The following FOCAD variants were observed in gnomAD, a reference collection of about 807,000 sequenced individuals.
The protein encoded by FOCAD is focadhesin, also known as KIAA1797.
Under a neutral mutation model 225.6 loss-of-function variants are expected in FOCAD, and 198 were observed. That is an observed-to-expected ratio of 0.88 (90% CI 0.78 to 0.99). The LOEUF (loss-of-function observed/expected upper bound fraction) is 0.99. FOCAD is among the 50% of genes least tolerant of loss of function. FOCAD has a pLI of 0.00. For missense variants in FOCAD, 2,713 were observed against 2,123.6 expected (o/e 1.28, Z -5.46); for synonymous variants, 897 against 755.0 (o/e 1.19, Z -3.08).
chr9:20,784,269 C>T (rs2131130949), intron 10 of FOCAD, among the ~76,000 whole-genome samples: 1 of 152,344 alleles, frequency 6.6e-6, no homozygotes, highest in African/African-American at 2.4e-5. Context: ...CAAAGAAGCA[C>T]ACAGGAACCT....
chr9:20,844,790 T>C (rs769736331), intron 15 of FOCAD, among the ~76,000 whole-genome samples: 11 of 152,110 alleles, frequency 7.2e-5, no homozygotes, highest in Non-Finnish European at 1.6e-4. Context: ...TTAGTATTAT[T>C]AGTGAGATAT....
chr9:20,780,334 C>T (rs1451714470), intron 9 of FOCAD, among the ~76,000 whole-genome samples: 2 of 152,156 alleles, frequency 1.3e-5, no homozygotes, highest in Non-Finnish European at 2.9e-5. Context: ...CTCAGAAAAT[C>T]CACATTTCAA....
chr9:20,869,346 T>A (rs79660000), intron 18 of FOCAD, among the ~76,000 whole-genome samples: 29,964 of 151,898 alleles, frequency 0.2, 3,474 homozygotes, highest in South Asian at 0.31. Context: ...AGCTAAAAAA[T>A]ATATATATAT....
At chr9:20,810,660 C>G (rs1587260378) in intron 11 of FOCAD, among the ~76,000 whole-genome samples, 2 of 151,976 alleles carry the variant, frequency 1.3e-5, no homozygotes, top group Admixed American at 6.6e-5. Flanking sequence ...GGTAATGTAG[C>G]CAACCATTAC....
chr9:20,861,947 C>T (rs777703958), intron 15 of FOCAD, among the ~76,000 whole-genome samples: 1 of 151,956 alleles, frequency 6.6e-6, no homozygotes, highest in Non-Finnish European at 1.5e-5. Context: ...AAAATTGGGT[C>T]AAGTTAGAAA....
intron 4 of FOCAD, among the ~76,000 whole-genome samples, chr9:20,720,791 A>G (rs966934411): frequency 6.6e-6 from 1 of 152,210 alleles, no homozygotes; most frequent in Non-Finnish European, 1.5e-5. Flanking sequence ...AGAAGAAAAT[A>G]GCTAAACAGT....
At chr9:20,927,039 A>C (rs1835023423) in intron 26 of FOCAD, among the ~76,000 whole-genome samples, 1 of 151,148 alleles carries the variant, frequency 6.6e-6, no homozygotes, top group South Asian at 2.1e-4. Context: ...TATATATATA[A>C]AAGAAATACC....
intron 22 of FOCAD, among the ~76,000 whole-genome samples, chr9:20,909,383 T>G (rs1005505676): frequency 6.6e-6 from 1 of 152,090 alleles, no homozygotes; most frequent in African/African-American, 2.4e-5. Flanking sequence ...CTCCAGAGCC[T>G]TAGCGTTTTC....
chr9:20,669,355 C>T (rs1821988779), intron 2 of FOCAD, among the ~76,000 whole-genome samples: 1 of 152,118 alleles, frequency 6.6e-6, no homozygotes, highest in Non-Finnish European at 1.5e-5. Flanking sequence ...TAGCAAAAAA[C>T]CAGAAGCCTG....
intron 35 of FOCAD, among the ~76,000 whole-genome samples, chr9:20,972,886 C>G (rs7848048): frequency 0.73 from 110,975 of 151,732 alleles, 40,875 homozygotes; most frequent in East Asian, 0.9. Flanking sequence ...TGCTGACTTT[C>G]CTTTATTCTG....
intron 5 of FOCAD, among the ~76,000 whole-genome samples, chr9:20,756,670 G>C (rs1342780732): frequency 6.6e-6 from 1 of 152,136 alleles, no homozygotes; most frequent in Non-Finnish European, 1.5e-5. Context: ...CTATTTATTA[G>C]GTCTGGGCTA....
At chr9:20,708,283 T>A (rs1292764500) in intron 1 of FOCAD, among the ~76,000 whole-genome samples, 2 of 152,200 alleles carry the variant, frequency 1.3e-5, no homozygotes, top group African/African-American at 4.8e-5. Context: ...TAGCTTAATT[T>A]GTGGGAGGAA....
At chr9:20,893,312 A>C (rs2131921953) in intron 21 of FOCAD, among the ~76,000 whole-genome samples, 1 of 150,020 alleles carries the variant, frequency 6.7e-6, no homozygotes, top group Admixed American at 6.7e-5. Flanking sequence ...AACAAAAAAA[A>C]CTGTATGACT....
In FOCAD at chr9:20,907,392, T is replaced by C. The variant is rs575149714; in HGVS notation, c.2718+150T>C. 447 of 662,018 alleles carry C rather than the reference T, an allele frequency of 6.8e-4. 5 individuals carry two copies. In the African/African-American group the frequency reaches 7.2e-3, roughly 11 times the overall value. 41.0% of individuals were successfully genotyped at this position (662,018 alleles called of 1,614,324 possible). A position where few individuals can be genotyped will look rare whatever the true frequency, so the allele number is the denominator to read the frequency against. ...TTTACTCATAAAAGAATGTGAGGCA[T>C]ATATATATAGCATTGCTGCACTTAA... On this transcript the variant is annotated intron_variant, in intron 22 of 43. Transcript: ENST00000338382.
rs546226874 is a variant in FOCAD at position 20,979,533 on chromosome 9, T to G, written c.4377+1079T>G. On this transcript the variant is annotated intron_variant, in intron 37 of 43. Transcript: ENST00000338382. ...TTTGTATTTTTAGTAGAGATGGGGT[T>G]TCACCAAGTTGGCAAGGCTGGTTTC... Among the ~76,000 whole-genome samples, 52 of 152,278 alleles carry G rather than the reference T, an allele frequency of 3.4e-4. 1 individual carries two copies. In the South Asian group the frequency reaches 9.5e-3, roughly 28 times the overall value.
chr9:20,863,998 G>A (rs1364668514), intron 16 of FOCAD, among the ~76,000 whole-genome samples: 2 of 151,682 alleles, frequency 1.3e-5, no homozygotes, highest in East Asian at 3.9e-4. Context: ...TTATACTAGG[G>A]TTCCTCTGTT....
At chr9:20,941,657 A>G (rs1401125858) in intron 28 of FOCAD, among the ~76,000 whole-genome samples, 1 of 152,230 alleles carries the variant, frequency 6.6e-6, no homozygotes, top group East Asian at 1.9e-4. Flanking sequence ...ATGACATAAT[A>G]GTGTATGGAA....
chr9:20,730,809 A>C (rs1014074290), intron 4 of FOCAD, among the ~76,000 whole-genome samples: 1 of 152,096 alleles, frequency 6.6e-6, no homozygotes, highest in Non-Finnish European at 1.5e-5. Context: ...TAGCAGTTAA[A>C]TCTCTGCATA....
At chr9:20,802,838 C>T (rs776419706) in intron 11 of FOCAD, among the ~76,000 whole-genome samples, 37 of 152,100 alleles carry the variant, frequency 2.4e-4, no homozygotes, top group Admixed American at 7.9e-4. Flanking sequence ...TTTGCTTTAG[C>T]ACAATGAATG....
Sources: allele counts gnomAD v4.1 joint callset (sites outside exome capture counted in the v4.1 genomes callset), GRCh38; gene constraint gnomAD v4.1.1; transcripts MANE v1.5; gene names NCBI Gene and HGNC (gene_info 2026-07-23, HGNC 2026-07-21).